Variants in INTS14 observed in about 807,000 individuals in gnomAD.
The protein encoded by INTS14 is integrator complex subunit 14.
A neutral mutation model predicts 56.9 loss-of-function variants in INTS14; 27 were observed. That is an observed-to-expected ratio of 0.47 (90% CI 0.35 to 0.65). INTS14 has a LOEUF of 0.65. INTS14 is among the 30% of genes least tolerant of loss of function. The pLI, the probability that INTS14 is intolerant of heterozygous loss-of-function variation, is 0.00. For synonymous variants in INTS14, 207 were observed against 236.2 expected, an observed-to-expected ratio of 0.88 and a Z score of 1.13; for missense variants, 517 against 632.2, an observed-to-expected ratio of 0.82 and a Z score of 1.95.
chr15:65,579,263 T>G lies in INTS14; in HGVS notation c.*145A>C. On this transcript the variant is annotated 3_prime_UTR_variant, in exon 12 of 12. Transcript: ENST00000313182. ...TCACATCCTTCTCATACTAGTAGAG[T>G]CATTCAAAACAGCAAGTGGTGCTTC... 2 of 1,120,026 alleles carry G rather than the reference T, an allele frequency of 1.8e-6. No individual in the cohort carries two copies. The highest frequency in any genetic ancestry group is 2.5e-6 in the Non-Finnish European group (2 of 792,940). The allele number at this position is 1,120,026 out of a possible 1,614,324, so 69.4% of individuals were successfully genotyped here.
rs1270344008 is a variant in INTS14, at chr15:65,579,084, T to C, written c.*324A>G. The C allele has an allele frequency of 3.7e-5, 8 of 217,956 alleles. No homozygotes were observed. The highest frequency in any genetic ancestry group is 3.4e-4 in the South Asian group (3 of 8,936). The allele number at this position is 217,956 out of a possible 1,614,324, so 13.5% of individuals were successfully genotyped here. ...AGCTTTCAGGAAGCCAGAGAGCCCC[T>C]GCCGGTCAGGTTTCCTGAGGAAGGC... is the stretch of plus-strand genomic sequence containing the variant. On this transcript the variant is annotated 3_prime_UTR_variant, in exon 12 of 12. Transcript: ENST00000313182.
At chr15:65,611,036 C>A (rs935955925) in intron 1 of INTS14, 62 bp downstream of exon 1, 5 of 1,535,022 alleles carry the variant, frequency 3.3e-6, no homozygotes, top group Non-Finnish European at 4.4e-6. Context: ...CCCATAACCC[C>A]TTCACCTGTA....
chr15:65,600,008 GCTA>G (rs1272683764), intron 3 of INTS14, 79 bp from the exon 4 acceptor site: 6 of 1,461,990 alleles, frequency 4.1e-6, no homozygotes, highest in Middle Eastern at 2.2e-4. Flanking sequence ...TGTTTTCACT[GCTA>G]GAAAGGGGCA....
chr15:65,607,373 G>A lies in INTS14; in HGVS notation c.8C>T (p.Thr3Ile). 1 of 1,614,180 alleles carries A rather than the reference G, an allele frequency of 6.2e-7. No individual in the cohort carries two copies. Among genetic ancestry groups the A allele is most frequent in the Non-Finnish European group, 8.5e-7 (1 of 1,180,040 alleles). Residue 3 changes from threonine (T) to isoleucine (I), a missense_variant, in exon 2 of 12, where the codon ACA becomes ATA. Transcript: ENST00000313182. MPTVVVMDVSLSM... is the reference protein window; with the variant it reads MPIVVVMDVSLSM... ...AAGGGATACATCCATTACCACCACT[G>A]TCGGCATGATGAAAATGATCCCAGT...
intron 2 of INTS14, among the ~76,000 whole-genome samples, chr15:65,606,501 C>T (rs149796572): frequency 0.014 from 2,162 of 151,820 alleles, 47 homozygotes; most frequent in African/African-American, 0.044. Flanking sequence ...GTGATCCTCT[C>T]GCCTTGGCTT....
chr15:65,579,412 A>G lies in INTS14; in HGVS notation c.1553T>C (p.Ile518Thr), dbSNP rs1278334978. The G allele has an allele frequency of 6.2e-7, 1 of 1,605,228 alleles. No homozygotes were observed. Among genetic ancestry groups the G allele is most frequent in the Non-Finnish European group, 8.5e-7 (1 of 1,173,550 alleles). Residue 518 changes from isoleucine (I) to threonine (T), a missense_variant, in exon 12 of 12, where the codon ATT becomes ACT. By Grantham distance (89) the Ile-to-Thr change is moderately conservative. Transcript: ENST00000313182. ...GGAAAGCTCCAAAAGTCAGTTTCAA[A>G]TTCTTTCAGTGCTGCTCCCAGAGAA... Reference protein sequence around the residue: ...TDFSGSSTERI With the variant: ...TDFSGSSTERT
At position 65,591,024 on chromosome 15, in the gene INTS14, C is replaced by G. The variant is rs191023469; in HGVS notation, c.1120+574G>C. ...GAACTGGAAATATGATATGCAAATT[C>G]CAGGGAGAGATCAGGTAAGACTAGA... On this transcript the variant is annotated intron_variant, in intron 9 of 11. Transcript: ENST00000313182. Among the ~76,000 whole-genome samples the G allele has an allele frequency of 2.0e-5, 3 of 152,046 alleles. No individual in the cohort carries two copies. In the East Asian group the frequency reaches 5.8e-4, roughly 29 times the overall value.
chr15:65,587,791 GC>G lies in INTS14; in HGVS notation c.1121-2904del, dbSNP rs2072881104. On this transcript the variant is annotated intron_variant, in intron 9 of 11. Coordinates refer to ENST00000313182, the MANE Select transcript of INTS14 (RefSeq NM_001394796.1). ...GCCCAGGAGTTTGAGACCAGCCTTG[GC>G]AACATAGTGAGATCTTGTCTCTATA... Among the ~76,000 whole-genome samples, 5 of 152,020 alleles carry G rather than the reference GC, an allele frequency of 3.3e-5. No individual in the cohort carries two copies. In the South Asian group the frequency reaches 1.0e-3, roughly 32 times the overall value.
intron 3 of INTS14, among the ~76,000 whole-genome samples, chr15:65,601,554 G>A (rs1195556793): frequency 6.6e-6 from 1 of 152,176 alleles, no homozygotes; most frequent in Non-Finnish European, 1.5e-5. Flanking sequence ...TATTGGCCAG[G>A]ATGGTCTCGA....
chr15:65,582,638 G>C (rs2072667792), intron 10 of INTS14, among the ~76,000 whole-genome samples: 1 of 152,086 alleles, frequency 6.6e-6, no homozygotes, highest in South Asian at 2.1e-4. Flanking sequence ...TATGACTTTG[G>C]ATTTGGCAAT....
intron 10 of INTS14, 123 bp from the exon 11 acceptor site, chr15:65,582,142 T>C: frequency 1.2e-6 from 1 of 821,604 alleles, no homozygotes; most frequent in Non-Finnish European, 1.9e-6. Context: ...AATGTCAAGA[T>C]GAGGATCCCT....
At chr15:65,598,763 G>A (rs778349228) in intron 5 of INTS14, 109 bp downstream of exon 5, 17 of 957,056 alleles carry the variant, frequency 1.8e-5, no homozygotes, top group Non-Finnish European at 2.5e-5. Context: ...TACAACTTGG[G>A]GAAAATGAAA....
chr15:65,591,771 C>A (rs752114608), intron 8 of INTS14, 40 bp from the exon 9 acceptor site: 2 of 1,603,516 alleles, frequency 1.2e-6, no homozygotes, highest in Admixed American at 1.7e-5. Context: ...GAACATCAAG[C>A]CTGAGACTGT....
intron 2 of INTS14, among the ~76,000 whole-genome samples, chr15:65,606,099 C>CA (rs2073635793): frequency 6.6e-6 from 1 of 151,722 alleles, no homozygotes; most frequent in African/African-American, 2.4e-5. Context: ...ACTAAAAATA[C>CA]AAAAAATTAG....
intron 6 of INTS14, 119 bp downstream of exon 6, chr15:65,598,202 T>A: frequency 9.7e-7 from 1 of 1,030,620 alleles, no homozygotes; most frequent in Non-Finnish European, 1.4e-6. Flanking sequence ...ATACTCAACC[T>A]GTACCACAAT....
At chr15:65,580,744 C>T (rs770694916) in intron 11 of INTS14, among the ~76,000 whole-genome samples, 2 of 152,182 alleles carry the variant, frequency 1.3e-5, no homozygotes, top group Non-Finnish European at 2.9e-5. Flanking sequence ...CTTTATGCTG[C>T]ACTTAATTTA....
intron 7 of INTS14, among the ~76,000 whole-genome samples, chr15:65,595,158 T>TG (rs2073168631): frequency 6.6e-6 from 1 of 152,196 alleles, no homozygotes; most frequent in Non-Finnish European, 1.5e-5. Flanking sequence ...GTGCCACCCC[T>TG]GAAAAAGATA....
At chr15:65,586,081 TACTCATTC>T (rs67328852) in intron 9 of INTS14, among the ~76,000 whole-genome samples, 30,464 of 151,950 alleles carry the variant, frequency 0.2, 4,035 homozygotes, top group East Asian at 0.73. Context: ...TTCACTCATT[TACTCATTC>T]ACTTATTCAT....
rs556053562 is a variant in INTS14, at chr15:65,606,645, CAGAA to C, written c.222+510_222+513del. 1.9e-3 allele frequency among the ~76,000 whole-genome samples: 295 copies of C among 152,206 alleles called. 1 individual carries two copies. The highest frequency in any genetic ancestry group is 2.7e-3 in the Non-Finnish European group (186 of 68,020). On this transcript the variant is annotated intron_variant, in intron 2 of 11. Transcript: ENST00000313182. ...GAATATTATGATTTAGAGATGTTGT[CAGAA>C]AGTAAATTCTAACATAACACAGAAA...
Sources: allele counts gnomAD v4.1 joint callset (sites outside exome capture counted in the v4.1 genomes callset), GRCh38; gene constraint gnomAD v4.1.1; transcripts MANE v1.5; gene names NCBI Gene and HGNC (gene_info 2026-07-23, HGNC 2026-07-21).